The following THRA variants were observed in gnomAD, a reference collection of about 807,000 sequenced individuals.
THRA encodes EAR-7.
Under a neutral mutation model 45.0 loss-of-function variants are expected in THRA, and 13 were observed. The observed-to-expected ratio is 0.29, with a 90% confidence interval of 0.19 to 0.46. The LOEUF (loss-of-function observed/expected upper bound fraction) is 0.46. Among genes scored for constraint, THRA ranks in the 20% least tolerant of loss-of-function variants. THRA has a pLI of 1.00. For missense variants in THRA, 278 were observed against 556.1 expected, an observed-to-expected ratio of 0.50 and a Z score of 5.03; for synonymous variants, 195 against 214.0, an observed-to-expected ratio of 0.91 and a Z score of 0.78.
At chr17:40,064,320 C>T (rs1598385711) in intron 1 of THRA, among the ~76,000 whole-genome samples, 1 of 152,218 alleles carries the variant, frequency 6.6e-6, no homozygotes, top group Non-Finnish European at 1.5e-5. Flanking sequence ...TAAAAAGTCA[C>T]TGTCACATGC....
downstream of THRA, chr17:40,093,787 C>G: frequency 1.2e-6 from 1 of 814,622 alleles, no homozygotes; most frequent in African/African-American, 1.7e-5. The surrounding 1 kb of genome is among the most constrained non-coding windows in gnomAD (Gnocchi z 5.9). Flanking sequence ...TAGACTGTGT[C>G]TGAATCATGT....
chr17:40,079,941 C>T (rs1438872337), intron 4 of THRA, among the ~76,000 whole-genome samples: 3 of 152,078 alleles, frequency 2.0e-5, no homozygotes, highest in Admixed American at 1.3e-4. Context: ...GTGATGTACG[C>T]CTGTAATCCC....
chr17:40,084,722 T>C lies in THRA; in HGVS notation c.483T>C (p.Thr161=). 1 of 1,613,944 alleles carries C rather than the reference T, an allele frequency of 6.2e-7. No homozygotes were observed. The highest frequency in any genetic ancestry group is 1.1e-5 in the South Asian group (1 of 91,064). The change falls in exon 6 of 9, where the codon ACT becomes ACC. Residue 161 remains threonine, a synonymous_variant. Coordinates refer to ENST00000450525, the MANE Select transcript of THRA (RefSeq NM_199334.5). ...IRSLQQRPEP[T]PEEWDLIHIA... The stretch of plus-strand genomic sequence containing the variant: ...CACTGCAGCAGCGACCAGAGCCCAC[T>C]CCTGAAGAGTGGGATCTGATCCACA...
chr17:40,070,121 G>A (rs1044420517), intron 1 of THRA, among the ~76,000 whole-genome samples: 1 of 152,004 alleles, frequency 6.6e-6, no homozygotes, highest in Non-Finnish European at 1.5e-5. Context: ...TCCCACAGTG[G>A]CTAGGTGATG....
intron 4 of THRA, among the ~76,000 whole-genome samples, chr17:40,083,088 G>T (rs1365972080): frequency 5.3e-5 from 8 of 151,852 alleles, no homozygotes; most frequent in Non-Finnish European, 1.5e-5. Flanking sequence ...CACCATGCCC[G>T]GCTATTTTTT....
chr17:40,077,369 C>T, intron 3 of THRA, 139 bp from the exon 4 acceptor site: 1 of 676,514 alleles, frequency 1.5e-6, no homozygotes, highest in Non-Finnish European at 2.6e-6. Context: ...CACCTCGTGT[C>T]TCTCTAGGAT....
chr17:40,078,643 C>T (rs1046616837), intron 4 of THRA, among the ~76,000 whole-genome samples: 4 of 151,578 alleles, frequency 2.6e-5, no homozygotes, highest in Admixed American at 6.6e-5. Context: ...AGAGACACAA[C>T]TTGAAACAAA....
chr17:40,075,641 C>T (rs1986925292), intron 2 of THRA, among the ~76,000 whole-genome samples: 1 of 152,222 alleles, frequency 6.6e-6, no homozygotes, highest in African/African-American at 2.4e-5. Context: ...TCCCAGTCTC[C>T]TAAGACTGCA....
At chr17:40,071,060 C>G (rs1986758002) in intron 1 of THRA, among the ~76,000 whole-genome samples, 1 of 151,844 alleles carries the variant, frequency 6.6e-6, no homozygotes, top group African/African-American at 2.4e-5. Flanking sequence ...TTGTTCTTCC[C>G]CCTCCTCCCT....
intron 3 of THRA, 143 bp downstream of exon 3, chr17:40,077,081 G>C: frequency 2.3e-6 from 2 of 856,414 alleles, no homozygotes; most frequent in Non-Finnish European, 3.6e-6. Flanking sequence ...GACTTGTCTG[G>C]GGGTGAGAAA....
chr17:40,077,173 A>G (rs545748199), intron 3 of THRA, among the ~76,000 whole-genome samples: 1 of 152,248 alleles, frequency 6.6e-6, no homozygotes, highest in East Asian at 1.9e-4. Context: ...CCCTCATCTG[A>G]GGCCCTACCA....
chr17:40,076,228 G>A (rs1986948192), intron 2 of THRA, among the ~76,000 whole-genome samples: 1 of 152,212 alleles, frequency 6.6e-6, no homozygotes, highest in Admixed American at 6.5e-5. Flanking sequence ...TGTGCAGAGG[G>A]TGTAGTGTTT....
intron 1 of THRA, among the ~76,000 whole-genome samples, chr17:40,068,156 G>C (rs1349851699): frequency 6.6e-6 from 1 of 152,230 alleles, no homozygotes; most frequent in Admixed American, 6.5e-5. Context: ...GTGGTGGGAA[G>C]ATCACTGGCT....
Position 40,089,531 on chromosome 17 carries a change from G to A in THRA, c.*75G>A. The A allele has an allele frequency of 1.3e-6, 2 of 1,551,548 alleles. No homozygotes were observed. Among genetic ancestry groups the A allele is most frequent in the Middle Eastern group, 2.0e-4 (1 of 5,086 alleles). ...GAGAAGGGGCAGAGCTGGGGGCTGA[G>A]GGAGACCCCCCCACACCCCTTCTCT... On this transcript the variant is annotated 3_prime_UTR_variant, in exon 9 of 9. Coordinates refer to ENST00000450525, the MANE Select transcript of THRA (RefSeq NM_199334.5). The surrounding 1 kb of genome is among the most constrained non-coding windows in gnomAD (Gnocchi z 6.1).
At chr17:40,085,632 C>T (rs1987295740) in intron 6 of THRA, among the ~76,000 whole-genome samples, 1 of 151,354 alleles carries the variant, frequency 6.6e-6, no homozygotes, top group South Asian at 2.1e-4. Flanking sequence ...ACCATGCCCA[C>T]CCTCTATGAA....
In THRA at chr17:40,077,497, C is replaced by T. The variant is rs758546954; in HGVS notation, c.122-11C>T. ...CATGCCTGCCTTCCTCCATCCTTTC[C>T]TTCCTCCCAGGGTATATCCCTAGTT... is the stretch of plus-strand genomic sequence containing the variant. On this transcript the variant is annotated splice_polypyrimidine_tract_variant and intron_variant, in intron 3 of 8. Coordinates refer to ENST00000450525, the MANE Select transcript of THRA (RefSeq NM_199334.5). 3 of 1,612,802 alleles carry T rather than the reference C, an allele frequency of 1.9e-6. No individual in the cohort carries two copies. Among genetic ancestry groups the T allele is most frequent in the Non-Finnish European group, 2.5e-6 (3 of 1,178,972 alleles).
downstream of THRA, chr17:40,093,687 T>C (rs142472153): frequency 3.9e-4 from 248 of 633,254 alleles, 1 homozygote; most frequent in African/African-American, 4.0e-3. This position sits in a 1 kb window ranked among gnomAD's most constrained non-coding sequence, Gnocchi z 5.9. Flanking sequence ...CAGGCAGAAA[T>C]AGTTGTCTGT....
chr17:40,062,746 G>T (rs1986396831), upstream of THRA: 1 of 145,714 alleles, frequency 6.9e-6, no homozygotes. Context: ...GCCGAGGGGC[G>T]GCCGGACCTC....
intron 4 of THRA, among the ~76,000 whole-genome samples, chr17:40,082,760 T>C (rs1180223407): frequency 7.4e-5 from 9 of 121,256 alleles, no homozygotes; most frequent in Admixed American, 3.1e-4. Flanking sequence ...ATCGCATGCT[T>C]TTTTTTTTTT....
Sources: gnomAD v4.1 joint callset for allele counts (sites outside exome capture counted in the v4.1 genomes callset) on GRCh38, gnomAD v4.1.1 for gene constraint, Gnocchi (gnomAD v3.1) non-coding constraint, MANE v1.5 for transcripts, NCBI Gene and HGNC (gene_info 2026-07-23, HGNC 2026-07-21) for gene names.